Variants in PTPRT observed in about 807,000 individuals in gnomAD.
PTPRT encodes the protein receptor-type tyrosine-protein phosphatase T.
A neutral mutation model predicts 176.8 loss-of-function variants in PTPRT; 56 were observed. That is an observed-to-expected ratio of 0.32 (90% CI 0.26 to 0.40). The LOEUF (loss-of-function observed/expected upper bound fraction) is 0.40, where lower values mean the gene tolerates loss of function less well. Among genes scored for constraint, PTPRT ranks in the 10% least tolerant of loss-of-function variants. The probability of loss-of-function intolerance (pLI) is 1.00; values close to 1 mark genes in which losing one functional copy is unlikely to be tolerated. For synonymous variants in PTPRT, 783 were observed against 739.0 expected (o/e 1.06, Z -0.96); for missense variants, 1,540 against 1,908.2 (o/e 0.81, Z 3.60).
chr20:42,231,271 G>A (rs1445850537), intron 15 of PTPRT, among the ~76,000 whole-genome samples: 1 of 152,228 alleles, frequency 6.6e-6, no homozygotes, highest in Non-Finnish European at 1.5e-5. Flanking sequence ...AGGCAGAAGT[G>A]CCCCCATCTC....
In PTPRT at chr20:42,632,590, T is replaced by C. The variant is rs971486942; in HGVS notation, c.1153+45276A>G. 3.3e-5 allele frequency among the ~76,000 whole-genome samples: 5 copies of C among 151,606 alleles called. No homozygotes were observed. The East Asian group carries it at 9.7e-4, about 29-fold the overall frequency. On this transcript the variant is annotated intron_variant, in intron 7 of 30. Coordinates refer to ENST00000373187, the MANE Select transcript of PTPRT (RefSeq NM_007050.6). Reference sequence around the variant, plus strand: ...CTGTATTCTTTTACTATATTATCTATATTTACTATGTTTACTAATTTTTAC... The same window carrying C: ...CTGTATTCTTTTACTATATTATCTACATTTACTATGTTTACTAATTTTTAC...
chr20:42,096,192 C>G (rs774594853), intron 27 of PTPRT, among the ~76,000 whole-genome samples: 4 of 152,238 alleles, frequency 2.6e-5, no homozygotes, highest in African/African-American at 9.6e-5. Flanking sequence ...ACATTCTCCT[C>G]CCCGGTCTCC....
chr20:42,142,125 T>G (rs1316077039), intron 17 of PTPRT, 123 bp from the exon 18 acceptor site: 3 of 783,072 alleles, frequency 3.8e-6, no homozygotes, highest in Non-Finnish European at 4.4e-6. Flanking sequence ...GGGATAGATG[T>G]CCTTGGATGG....
intron 16 of PTPRT, among the ~76,000 whole-genome samples, chr20:42,176,748 T>G (rs950392358): frequency 1.3e-5 from 2 of 152,084 alleles, no homozygotes; most frequent in African/African-American, 4.8e-5. Flanking sequence ...TTTTGACAGG[T>G]TTTTACAATC....
intron 7 of PTPRT, among the ~76,000 whole-genome samples, chr20:42,609,463 GAC>G (rs1200285035): frequency 6.6e-6 from 1 of 152,116 alleles, no homozygotes; most frequent in Non-Finnish European, 1.5e-5. Flanking sequence ...ATTTATTGAT[GAC>G]AAAACTGAAG....
intron 1 of PTPRT, among the ~76,000 whole-genome samples, chr20:43,149,567 T>C (rs2014276235): frequency 6.6e-6 from 1 of 152,238 alleles, no homozygotes; most frequent in Non-Finnish European, 1.5e-5. Context: ...CCCTTATCAG[T>C]TGTGTGTCTT....
intron 9 of PTPRT, among the ~76,000 whole-genome samples, chr20:42,393,915 A>G (rs1353511522): frequency 6.6e-6 from 1 of 152,024 alleles, no homozygotes; most frequent in Non-Finnish European, 1.5e-5. Context: ...TGCATGGAAG[A>G]GTCAGGGAAG....
At position 42,950,009 on chromosome 20, in the gene PTPRT, A is replaced by T. The variant is rs75864961; in HGVS notation, c.89-64077T>A. On this transcript the variant is annotated intron_variant, in intron 1 of 30. Transcript: ENST00000373187. The stretch of plus-strand genomic sequence containing the variant: ...CTGAGTGCCACTGCCCTCCATGAAA[A>T]TGTTCTGTGAGTCCTAGAACTAACC... Among the ~76,000 whole-genome samples, 631 of 152,294 alleles carry T rather than the reference A, an allele frequency of 4.1e-3. 1 individual carries two copies. The highest frequency in any genetic ancestry group is 0.014 in the African/African-American group (597 of 41,564).
At chr20:42,965,458 G>A (rs1002259589) in intron 1 of PTPRT, among the ~76,000 whole-genome samples, 3 of 152,174 alleles carry the variant, frequency 2.0e-5, no homozygotes, top group Non-Finnish European at 2.9e-5. Flanking sequence ...GAGTTTTGAA[G>A]ATAACCTTTG....
chr20:42,633,815 ATAT>A (rs373675864), intron 7 of PTPRT, among the ~76,000 whole-genome samples: 11,384 of 90,310 alleles, frequency 0.13, 1,092 homozygotes, highest in Non-Finnish European at 0.17. Flanking sequence ...ATATATATAT[ATAT>A]AATAAAATAT....
intron 1 of PTPRT, among the ~76,000 whole-genome samples, chr20:43,075,584 G>C (rs1300590069): frequency 6.6e-6 from 1 of 152,216 alleles, no homozygotes; most frequent in Admixed American, 6.5e-5. Flanking sequence ...TACCCAACTA[G>C]ACATCATTCT....
intron 13 of PTPRT, among the ~76,000 whole-genome samples, chr20:42,276,532 TATATATATATATATA>T (rs1568731706): frequency 0.023 from 1,220 of 52,076 alleles, 80 homozygotes; most frequent in East Asian, 0.094. Context: ...TATATATATA[TATATATATATATATA>T]TATATATATA....
intron 9 of PTPRT, among the ~76,000 whole-genome samples, chr20:42,432,442 A>C (rs2059223260): frequency 1.3e-5 from 2 of 152,204 alleles, no homozygotes; most frequent in South Asian, 4.1e-4. Flanking sequence ...AACTGAACGG[A>C]CGCCTTCTTG....
At chr20:42,714,316 G>T (rs1363374797) in intron 6 of PTPRT, among the ~76,000 whole-genome samples, 1 of 152,114 alleles carries the variant, frequency 6.6e-6, no homozygotes, top group Non-Finnish European at 1.5e-5. Flanking sequence ...CTGTCATCTG[G>T]CAACATCCTA....
At chr20:42,342,281 G>A (rs901324821) in intron 11 of PTPRT, among the ~76,000 whole-genome samples, 6 of 152,084 alleles carry the variant, frequency 3.9e-5, no homozygotes, top group African/African-American at 1.4e-4. Context: ...CTTTATTTCT[G>A]GTTACCTCTT....
rs1225984361 is a variant in PTPRT at position 42,617,123 on chromosome 20, A to C, written c.1153+60743T>G. ...TTTGAAATACCTCCCATCAATACCT[A>C]ATTTATTGAGAGTTTTTAGCATGAA... is the stretch of plus-strand genomic sequence containing the variant. On this transcript the variant is annotated intron_variant, in intron 7 of 30. Coordinates refer to ENST00000373187, the MANE Select transcript of PTPRT (RefSeq NM_007050.6). Among the ~76,000 whole-genome samples the C allele has an allele frequency of 7.6e-4, 104 of 137,254 alleles. 31 individuals are homozygous for C. Among genetic ancestry groups the C allele is most frequent in the African/African-American group, 3.3e-3 (103 of 30,992 alleles). The allele number at this position is 137,254 out of a possible 152,430, so 90.0% of individuals were successfully genotyped here. A position where few individuals can be genotyped will look rare whatever the true frequency, so the allele number is the denominator to read the frequency against.
intron 14 of PTPRT, among the ~76,000 whole-genome samples, chr20:42,244,124 T>C (rs1287730343): frequency 6.6e-6 from 1 of 152,212 alleles, no homozygotes; most frequent in Non-Finnish European, 1.5e-5. Context: ...ACTGGCTACC[T>C]TTCATAGAAG....
At chr20:43,127,883 C>T (rs2013504723) in intron 1 of PTPRT, among the ~76,000 whole-genome samples, 1 of 152,172 alleles carries the variant, frequency 6.6e-6, no homozygotes, top group Non-Finnish European at 1.5e-5. Flanking sequence ...TAACCTCTAC[C>T]TTTCACTTGG....
intron 1 of PTPRT, among the ~76,000 whole-genome samples, chr20:43,070,968 TAAAAAAAAAAA>T (rs11474990): frequency 2.4e-5 from 3 of 122,888 alleles, no homozygotes; most frequent in Non-Finnish European, 5.0e-5. Context: ...AAAGTATAAT[TAAAAAAAAAAA>T]AAAAAAAAGA....
Sources: gnomAD v4.1 joint callset for allele counts (sites outside exome capture counted in the v4.1 genomes callset) on GRCh38, gnomAD v4.1.1 for gene constraint, MANE v1.5 for transcripts, NCBI Gene and HGNC (gene_info 2026-07-23, HGNC 2026-07-21) for gene names.